Variants in EIF2AK3 observed in about 807,000 individuals in gnomAD.
EIF2AK3 encodes eukaryotic translation initiation factor 2-alpha kinase 3.
EIF2AK3 carries 50 observed loss-of-function variants against 113.5 expected under a neutral mutation model. The observed-to-expected ratio is 0.44, with a 90% confidence interval of 0.35 to 0.56. The LOEUF (loss-of-function observed/expected upper bound fraction) is 0.56, where lower values mean the gene tolerates loss of function less well. Among genes scored for constraint, EIF2AK3 ranks in the 20% least tolerant of loss-of-function variants. The pLI is 0.00. For synonymous variants in EIF2AK3, 448 were observed against 495.4 expected (o/e 0.90, Z 1.27); for missense variants, 1,185 against 1,378.0 (o/e 0.86, Z 2.22).
At position 88,579,513 on chromosome 2, in the gene EIF2AK3, A is replaced by G; in HGVS notation, c.1886+5T>C. ...TTCAAGTTTACTGAAGGTACCACCC[A>G]TTACCTATTGGGGAGACGGATCCTC... On this transcript the variant is annotated splice_donor_5th_base_variant and intron_variant, in intron 11 of 16. Coordinates refer to ENST00000303236, the MANE Select transcript of EIF2AK3 (RefSeq NM_004836.7). 1.2e-6 allele frequency: 2 copies of G among 1,613,564 alleles called. No homozygotes were observed. The highest frequency in any genetic ancestry group is 8.5e-7 in the Non-Finnish European group (1 of 1,179,646).
chr2:88,617,617 C>T (rs1163973457), intron 1 of EIF2AK3, among the ~76,000 whole-genome samples: 1 of 151,782 alleles, frequency 6.6e-6, no homozygotes, highest in Non-Finnish European at 1.5e-5. Context: ...ATTAGCCGGG[C>T]GTGGTGGTGC....
At chr2:88,579,718 A>T (rs1336376094) in intron 10 of EIF2AK3, 78 bp from the exon 11 acceptor site, 2 of 1,349,692 alleles carry the variant, frequency 1.5e-6, no homozygotes, top group East Asian at 4.9e-5. Context: ...GTTCAATCTT[A>T]TGACACATAA....
Position 88,595,600 on chromosome 2 carries a change from G to A in EIF2AK3, c.502C>T (p.Arg168Cys), listed in dbSNP as rs762206822. Residue 168 changes from arginine to cysteine, a missense_variant, in exon 3 of 17, where the codon CGT (arginine) becomes TGT (cysteine). Physicochemically the swap from Arg to Cys is radical, Grantham distance 180. Transcript: ENST00000303236. ...AAAGGAACTGTTTCCATGCTTTCAC[G>A]GTCTTGGTCCCACTGGAAGAGGGCT... ...DGALFQWDQD[R>C]ESMETVPFTV... The A allele has an allele frequency of 1.4e-5, 22 of 1,613,808 alleles. No homozygotes were observed. The highest frequency in any genetic ancestry group is 1.7e-5 in the Admixed American group (1 of 60,006).
Position 88,559,963 on chromosome 2 carries a change from A to G in EIF2AK3, c.3088-984T>C, listed in dbSNP as rs187039516. Among the ~76,000 whole-genome samples the G allele has an allele frequency of 8.5e-5, 13 of 152,268 alleles. No homozygotes were observed. In the East Asian group the frequency reaches 2.5e-3, roughly 29 times the overall value. ...ATGTTTTCATTTCCCTTGAGTACAT[A>G]CCTAGGAGTAGAATTACTGGATTCT... On this transcript the variant is annotated intron_variant, in intron 15 of 16. Coordinates refer to ENST00000303236, the MANE Select transcript of EIF2AK3 (RefSeq NM_004836.7).
At chr2:88,610,906 G>T (rs1675437460) in intron 2 of EIF2AK3, among the ~76,000 whole-genome samples, 1 of 152,022 alleles carries the variant, frequency 6.6e-6, no homozygotes, top group Admixed American at 6.5e-5. Flanking sequence ...AAAAAAGTTA[G>T]CTGGGCATGG....
rs763885273 is a variant in EIF2AK3, at chr2:88,593,322, C to G, written c.717G>C (p.Gln239His). The stretch of plus-strand genomic sequence containing the variant: ...CAGCTCTAACAGTTTTTTGGGTACG[C>G]TGTAGAAGCAGGATGTCTTCCTCTT... ...MEQEEDILLL[Q>H]RTQKTVRAVG... Residue 239 changes from glutamine (Q) to histidine (H), a missense_variant, in exon 4 of 17, where the codon CAG becomes CAC. Gln to His is a conservative substitution (Grantham distance 24, BLOSUM62 0). This residue lies in a region of EIF2AK3 where 119 missense variants were observed against 178.7 expected (regional missense o/e 0.67). Transcript: ENST00000303236. The G allele has an allele frequency of 2.5e-6, 4 of 1,613,990 alleles. No homozygotes were observed. In the South Asian group the frequency reaches 4.4e-5, roughly 18 times the overall value.
chr2:88,590,931 C>G lies in EIF2AK3; in HGVS notation c.889G>C (p.Asp297His), dbSNP rs376125904. The G allele has an allele frequency of 4.3e-6, 7 of 1,613,966 alleles. No individual in the cohort carries two copies. In the African/African-American group the frequency reaches 9.3e-5, roughly 22 times the overall value. The change falls in exon 5 of 17, where the codon GAT becomes CAT. Residue 297 changes from aspartate (D) to histidine (H), a missense_variant. By Grantham distance (81) the Asp-to-His change is moderately conservative. Coordinates refer to ENST00000303236, the MANE Select transcript of EIF2AK3 (RefSeq NM_004836.7). Reference protein sequence around the residue: ...ENTEESKIISDVEEQEAAIMD... With the variant: ...ENTEESKIISHVEEQEAAIMD... ...ATGGCAGCTTCCTGTTCTTCCACATCTGAAATAATTTTAGACTCTTCTGTG... is the reference window on the plus strand; with the variant it reads ...ATGGCAGCTTCCTGTTCTTCCACATGTGAAATAATTTTAGACTCTTCTGTG...
chr2:88,575,997 C>T (rs1208323569), intron 12 of EIF2AK3, among the ~76,000 whole-genome samples: 1 of 152,202 alleles, frequency 6.6e-6, no homozygotes, highest in Admixed American at 6.5e-5. Context: ...GGCCTTCCTT[C>T]CTATAGCACA....
intron 15 of EIF2AK3, among the ~76,000 whole-genome samples, chr2:88,560,153 A>AG (rs1319800335): frequency 6.6e-6 from 1 of 152,054 alleles, no homozygotes; most frequent in Non-Finnish European, 1.5e-5. Flanking sequence ...CAGATACCCT[A>AG]GATGGTGCTG....
At chr2:88,587,002 C>T (rs1410841157) in intron 8 of EIF2AK3, among the ~76,000 whole-genome samples, 17 of 149,130 alleles carry the variant, frequency 1.1e-4, no homozygotes, top group South Asian at 2.1e-4. Context: ...GTCAGGAGTT[C>T]GAGAACAGCC....
rs1390085552 is a variant in EIF2AK3 at position 88,609,293 on chromosome 2, GCA to G, written c.438+4429_438+4430del. On this transcript the variant is annotated intron_variant, in intron 2 of 16. Coordinates refer to ENST00000303236, the MANE Select transcript of EIF2AK3 (RefSeq NM_004836.7). ...TGGATTCTTTCAGGGGTGCAAAATA[GCA>G]CACAGTTTTCAAACAAGGTGTGATT... Among the ~76,000 whole-genome samples, 11 of 152,262 alleles carry G rather than the reference GCA, an allele frequency of 7.2e-5. No homozygotes were observed. In the East Asian group the frequency reaches 1.9e-3, roughly 27 times the overall value.
rs112158228 is a variant in EIF2AK3, at chr2:88,573,110, CTTTT to C, written c.2817+1552_2817+1555del. On this transcript the variant is annotated intron_variant, in intron 13 of 16. Coordinates refer to ENST00000303236, the MANE Select transcript of EIF2AK3 (RefSeq NM_004836.7). ...TTTCACCCAGGAACAAAAATCTTGG[CTTTT>C]TTTTTTTTTTTGGTTGGGGGTGGCG... Among the ~76,000 whole-genome samples the C allele has an allele frequency of 2.2e-3, 284 of 128,338 alleles. 4 individuals carry two copies. Among genetic ancestry groups the C allele is most frequent in the African/African-American group, 7.2e-3 (265 of 36,602 alleles). The allele number at this position is 128,338 out of a possible 152,430, so 84.2% of individuals were successfully genotyped here. A position where few individuals can be genotyped will look rare whatever the true frequency, so the allele number is the denominator to read the frequency against.
intron 10 of EIF2AK3, 48 bp downstream of exon 10, chr2:88,583,382 G>T: frequency 7.0e-7 from 1 of 1,435,832 alleles, no homozygotes; most frequent in Non-Finnish European, 9.8e-7. Flanking sequence ...CAAGATCTTA[G>T]GTCATTTCTT....
chr2:88,597,045 T>C (rs1169229868), intron 2 of EIF2AK3, among the ~76,000 whole-genome samples: 17 of 152,226 alleles, frequency 1.1e-4, no homozygotes, highest in Admixed American at 1.1e-3. Context: ...AAGTAAGAGT[T>C]AACAAAATTT....
In EIF2AK3 at chr2:88,556,966, A is replaced by C. The variant is rs1673794688; in HGVS notation, c.*770T>G. ...GGGAAGTACCAACCTACAGGATTAC[A>C]TATAAGACACTTAAGATTTCATTAG... is the stretch of plus-strand genomic sequence containing the variant. On this transcript the variant is annotated 3_prime_UTR_variant, in exon 17 of 17. Transcript: ENST00000303236. 1 of 152,226 alleles carries C rather than the reference A, an allele frequency of 6.6e-6. No homozygotes were observed. Among genetic ancestry groups the C allele is most frequent in the South Asian group, 2.1e-4 (1 of 4,826 alleles). The allele number at this position is 152,226 out of a possible 1,614,324, so 9.4% of individuals were successfully genotyped here.
At chr2:88,567,595 G>A (rs539790590) in intron 14 of EIF2AK3, among the ~76,000 whole-genome samples, 1 of 152,174 alleles carries the variant, frequency 6.6e-6, no homozygotes, top group Non-Finnish European at 1.5e-5. Context: ...TTCTCATTTT[G>A]GTATCAATAT....
intron 2 of EIF2AK3, among the ~76,000 whole-genome samples, chr2:88,613,293 A>G (rs12467314): frequency 0.28 from 42,268 of 152,194 alleles, 6,093 homozygotes; most frequent in East Asian, 0.32. Flanking sequence ...AAAATTTCAG[A>G]TGAATTCTGC....
chr2:88,589,018 A>C (rs1674814497), intron 6 of EIF2AK3, 117 bp from the exon 7 acceptor site: 2 of 1,217,094 alleles, frequency 1.6e-6, no homozygotes, highest in Non-Finnish European at 2.3e-6. Flanking sequence ...CTCTTGTCAA[A>C]GAAGAAACAT....
At chr2:88,574,369 C>A in intron 13 of EIF2AK3, 2 of 425,172 alleles carry the variant, frequency 4.7e-6, no homozygotes, top group Non-Finnish European at 8.6e-6. Context: ...GTGGATTTTA[C>A]CTAAAGATTC....
Sources: allele counts gnomAD v4.1 joint callset (sites outside exome capture counted in the v4.1 genomes callset), GRCh38; gene constraint gnomAD v4.1.1; regional missense constraint gnomAD v4.1.1; transcripts MANE v1.5; gene names NCBI Gene and HGNC (gene_info 2026-07-23, HGNC 2026-07-21).